The following CSMD1 variants were observed in gnomAD, a reference collection of about 807,000 sequenced individuals.
The protein encoded by CSMD1 is CUB and Sushi multiple domains 1.
In CSMD1, 213 loss-of-function variants were observed where a neutral mutation model predicts 417.5. That is an observed-to-expected ratio of 0.51 (90% CI 0.46 to 0.57). The LOEUF is 0.57. Ranked by LOEUF, CSMD1 falls within the 20% of genes least tolerant of loss-of-function variation. The probability of loss-of-function intolerance (pLI) is 0.00; values close to 1 mark genes in which losing one functional copy is unlikely to be tolerated. For missense variants in CSMD1, 6,923 were observed against 4,529.7 expected (o/e 1.53, Z -15.17); for synonymous variants, 2,862 against 1,736.8 (o/e 1.65, Z -16.11).
chr8:3,820,412 A>G (rs1051037318), intron 5 of CSMD1, among the ~76,000 whole-genome samples: 3 of 152,204 alleles, frequency 2.0e-5, no homozygotes, highest in Non-Finnish European at 4.4e-5. Flanking sequence ...CATATACATT[A>G]GCTTAGGCCT....
intron 2 of CSMD1, among the ~76,000 whole-genome samples, chr8:4,511,851 G>C (rs1242795180): frequency 1.3e-5 from 2 of 152,140 alleles, no homozygotes; most frequent in African/African-American, 2.4e-5. Context: ...GTTCTCACAA[G>C]GAATATTGGA....
intron 3 of CSMD1, among the ~76,000 whole-genome samples, chr8:4,389,823 C>G (rs972089974): frequency 2.0e-5 from 3 of 152,058 alleles, no homozygotes; most frequent in African/African-American, 7.2e-5. Flanking sequence ...TTAAAGTACT[C>G]TAAAGCATAA....
At chr8:4,051,911 CCTTT>C (rs1389263560) in intron 3 of CSMD1, among the ~76,000 whole-genome samples, 8 of 128,818 alleles carry the variant, frequency 6.2e-5, no homozygotes, top group South Asian at 2.7e-4. Flanking sequence ...TTCCTTCCTT[CCTTT>C]CTTTCTTTTT....
intron 5 of CSMD1, among the ~76,000 whole-genome samples, chr8:3,994,753 G>A (rs943660349): frequency 5.9e-5 from 9 of 152,148 alleles, no homozygotes; most frequent in African/African-American, 1.9e-4. Flanking sequence ...TGCCTCCACT[G>A]CTGCCATGGC....
At chr8:4,485,630 T>A (rs1415016337) in intron 2 of CSMD1, among the ~76,000 whole-genome samples, 1 of 152,172 alleles carries the variant, frequency 6.6e-6, no homozygotes, top group African/African-American at 2.4e-5. Context: ...ACTATTAAAA[T>A]TGATCTTGTA....
chr8:3,294,701 G>A (rs965155470), intron 25 of CSMD1, among the ~76,000 whole-genome samples: 8 of 152,238 alleles, frequency 5.3e-5, no homozygotes, highest in South Asian at 2.1e-4. Context: ...GGAGTGACCC[G>A]ATTTTCCAGG....
intron 5 of CSMD1, among the ~76,000 whole-genome samples, chr8:3,979,150 C>T (rs922496673): frequency 7.9e-5 from 12 of 152,202 alleles, no homozygotes; most frequent in African/African-American, 2.9e-4. Context: ...AGGCCCTGAT[C>T]ACATTTTACA....
chr8:3,339,729 A>G (rs1053501010), intron 23 of CSMD1, among the ~76,000 whole-genome samples: 6 of 152,146 alleles, frequency 3.9e-5, no homozygotes, highest in Admixed American at 3.9e-4. Context: ...TTGAATGACA[A>G]TCATCCATTC....
intron 2 of CSMD1, among the ~76,000 whole-genome samples, chr8:4,437,463 T>A (rs896772216): frequency 1.3e-5 from 2 of 152,198 alleles, no homozygotes; most frequent in Non-Finnish European, 2.9e-5. Context: ...CACCAAAAGT[T>A]AATTACATGA....
intron 3 of CSMD1, among the ~76,000 whole-genome samples, chr8:4,382,664 G>A (rs994994757): frequency 2.0e-5 from 3 of 152,106 alleles, no homozygotes; most frequent in Admixed American, 6.6e-5. Flanking sequence ...TTCACATCAG[G>A]TCTTAGCATA....
intron 3 of CSMD1, among the ~76,000 whole-genome samples, chr8:4,117,407 C>A (rs1450646387): frequency 6.6e-6 from 1 of 151,994 alleles, no homozygotes; most frequent in East Asian, 1.9e-4. Flanking sequence ...TGAACCTCTG[C>A]CTGCCGCAAG....
intron 5 of CSMD1, among the ~76,000 whole-genome samples, chr8:3,937,318 C>G (rs531301653): frequency 2.6e-5 from 4 of 152,262 alleles, no homozygotes; most frequent in East Asian, 3.9e-4. Flanking sequence ...TGCTTCTTAA[C>G]CAGCAACACA....
intron 5 of CSMD1, among the ~76,000 whole-genome samples, chr8:3,983,009 G>C (rs1814002224): frequency 6.6e-6 from 1 of 152,094 alleles, no homozygotes; most frequent in Non-Finnish European, 1.5e-5. Context: ...AGTAGCCCAA[G>C]ACAGCACAGC....
At chr8:3,282,770 C>A (rs749557591) in intron 26 of CSMD1, among the ~76,000 whole-genome samples, 20 of 152,102 alleles carry the variant, frequency 1.3e-4, no homozygotes, top group Non-Finnish European at 2.4e-4. Context: ...AGAAATTGTG[C>A]AGACTATAAC....
chr8:4,722,062 G>C (rs1003016121), intron 1 of CSMD1, among the ~76,000 whole-genome samples: 3 of 152,150 alleles, frequency 2.0e-5, no homozygotes, highest in African/African-American at 7.2e-5. Flanking sequence ...TTGAACTTAT[G>C]TAGGATGAAT....
intron 5 of CSMD1, among the ~76,000 whole-genome samples, chr8:3,872,405 A>G (rs1051574978): frequency 6.6e-6 from 1 of 152,098 alleles, no homozygotes; most frequent in African/African-American, 2.4e-5. Context: ...GTTCATTACT[A>G]CCTTCCTGAA....
At chr8:3,454,062 T>G (rs1054211600) in intron 12 of CSMD1, among the ~76,000 whole-genome samples, 1 of 152,206 alleles carries the variant, frequency 6.6e-6, no homozygotes, top group African/African-American at 2.4e-5. Context: ...TTTACCATTA[T>G]GTAATGGCCT....
intron 1 of CSMD1, among the ~76,000 whole-genome samples, chr8:4,864,507 T>A (rs1401902457): frequency 6.6e-6 from 1 of 151,860 alleles, no homozygotes; most frequent in South Asian, 2.1e-4. Flanking sequence ...TGATTTCTAT[T>A]TAGTTTTTGC....
intron 1 of CSMD1, among the ~76,000 whole-genome samples, chr8:4,813,369 T>C (rs935231866): frequency 6.6e-6 from 1 of 152,082 alleles, no homozygotes; most frequent in Non-Finnish European, 1.5e-5. Context: ...TAATAGAACA[T>C]AAAGCTGCCA....
Sources: allele counts gnomAD v4.1 joint callset (sites outside exome capture counted in the v4.1 genomes callset), GRCh38; gene constraint gnomAD v4.1.1; transcripts MANE v1.5; gene names NCBI Gene and HGNC (gene_info 2026-07-23, HGNC 2026-07-21).